Variants in CSMD1 observed in about 807,000 individuals in gnomAD.
CSMD1 encodes the protein CUB and sushi domain-containing protein 1.
Under a neutral mutation model 417.5 loss-of-function variants are expected in CSMD1, and 213 were observed. That is an observed-to-expected ratio of 0.51 (90% CI 0.46 to 0.57). The LOEUF is 0.57. CSMD1 is among the 20% of genes least tolerant of loss of function. The pLI, the probability that CSMD1 is intolerant of heterozygous loss-of-function variation, is 0.00. For synonymous variants in CSMD1, 2,862 were observed against 1,736.8 expected (o/e 1.65, Z -16.11); for missense variants, 6,923 against 4,529.7 (o/e 1.53, Z -15.17).
intron 23 of CSMD1, among the ~76,000 whole-genome samples, chr8:3,315,375 T>A (rs1171306021): frequency 6.6e-5 from 10 of 151,972 alleles, no homozygotes; most frequent in Admixed American, 6.6e-4. Context: ...CTGAAATGTG[T>A]GATTGTTCCA....
intron 3 of CSMD1, among the ~76,000 whole-genome samples, chr8:4,038,373 T>C (rs1469883729): frequency 6.6e-6 from 1 of 152,152 alleles, no homozygotes; most frequent in Non-Finnish European, 1.5e-5. Flanking sequence ...AACTTGTAAA[T>C]TGTAAAATAT....
chr8:2,999,953 C>A lies in CSMD1; in HGVS notation c.8203+5G>T. 1 of 1,607,050 alleles carries A rather than the reference C, an allele frequency of 6.2e-7. No homozygotes were observed. Among genetic ancestry groups the A allele is most frequent in the Non-Finnish European group, 8.5e-7 (1 of 1,177,394 alleles). ...GATGAATTCGTCCACAAAGAGTGCA[C>A]TTACGGACACAGACAGGCGTTTGTC... On this transcript the variant is annotated splice_donor_5th_base_variant and intron_variant, in intron 53 of 69. Transcript: ENST00000635120.
At chr8:4,050,469 A>T (rs961242297) in intron 3 of CSMD1, among the ~76,000 whole-genome samples, 4 of 152,296 alleles carry the variant, frequency 2.6e-5, no homozygotes, top group Admixed American at 2.6e-4. Flanking sequence ...TGATACAGGC[A>T]TACGATGAAT....
intron 33 of CSMD1, among the ~76,000 whole-genome samples, chr8:3,191,032 C>T (rs1313626529): frequency 6.6e-6 from 1 of 152,058 alleles, no homozygotes; most frequent in Non-Finnish European, 1.5e-5. Context: ...ATGAGTATGC[C>T]CTGGAGACCT....
chr8:4,660,711 T>G (rs1011479018), intron 1 of CSMD1, among the ~76,000 whole-genome samples: 8 of 152,060 alleles, frequency 5.3e-5, no homozygotes, highest in African/African-American at 1.9e-4. Context: ...CAGAAAGTAT[T>G]TGAAAATCAC....
chr8:3,987,729 A>G (rs1444797295), intron 5 of CSMD1, among the ~76,000 whole-genome samples: 5 of 152,216 alleles, frequency 3.3e-5, no homozygotes, highest in Middle Eastern at 3.2e-3. Flanking sequence ...CTAGCAGCAT[A>G]AAGTGCAAAA....
intron 10 of CSMD1, among the ~76,000 whole-genome samples, chr8:3,544,753 G>C (rs1798589623): frequency 6.6e-6 from 1 of 152,068 alleles, no homozygotes; most frequent in Admixed American, 6.6e-5. Context: ...TGGAGACAGG[G>C]AATGGAGCCA....
At chr8:4,369,243 A>G (rs1365781168) in intron 3 of CSMD1, among the ~76,000 whole-genome samples, 1 of 151,982 alleles carries the variant, frequency 6.6e-6, no homozygotes, top group Non-Finnish European at 1.5e-5. Context: ...CTTCCATGTA[A>G]TTGTATGGCT....
chr8:3,233,948 G>A (rs1341067741), intron 26 of CSMD1, among the ~76,000 whole-genome samples: 3 of 152,150 alleles, frequency 2.0e-5, no homozygotes, highest in African/African-American at 2.4e-5. Context: ...AATCCCGCCG[G>A]CGGTTGTGAG....
At chr8:3,098,642 G>A (rs146312164) in intron 46 of CSMD1, among the ~76,000 whole-genome samples, 4 of 152,128 alleles carry the variant, frequency 2.6e-5, no homozygotes, top group East Asian at 1.9e-4. Context: ...CTGTGATGGT[G>A]ACCTCATCGC....
At chr8:4,854,828 G>C (rs1269575451) in intron 1 of CSMD1, among the ~76,000 whole-genome samples, 2 of 152,210 alleles carry the variant, frequency 1.3e-5, no homozygotes, top group Non-Finnish European at 2.9e-5. Flanking sequence ...GCAGCAGCGA[G>C]GCTGGGGGAG....
intron 10 of CSMD1, among the ~76,000 whole-genome samples, chr8:3,543,369 C>A (rs1261934920): frequency 6.6e-6 from 1 of 152,130 alleles, no homozygotes; most frequent in African/African-American, 2.4e-5. Context: ...TATAAACTGA[C>A]TTTTGAAAAT....
At chr8:3,123,190 C>T (rs1302720601) in intron 41 of CSMD1, among the ~76,000 whole-genome samples, 3 of 152,200 alleles carry the variant, frequency 2.0e-5, no homozygotes, top group African/African-American at 7.2e-5. Context: ...CTCTCTTTCT[C>T]TGACACACAC....
At chr8:4,403,672 C>G (rs1179067429) in intron 3 of CSMD1, among the ~76,000 whole-genome samples, 1 of 152,132 alleles carries the variant, frequency 6.6e-6, no homozygotes, top group Admixed American at 6.5e-5. Context: ...TAGAGTCTAA[C>G]CCCTAGAGTA....
intron 5 of CSMD1, among the ~76,000 whole-genome samples, chr8:3,981,630 G>C (rs1342392630): frequency 6.6e-6 from 1 of 150,818 alleles, no homozygotes; most frequent in East Asian, 1.9e-4. Flanking sequence ...TGTTCCCTTT[G>C]AGTTGTCTTT....
At chr8:4,953,889 G>A (rs1226747350) in intron 1 of CSMD1, among the ~76,000 whole-genome samples, 2 of 152,030 alleles carry the variant, frequency 1.3e-5, no homozygotes, top group African/African-American at 4.8e-5. Flanking sequence ...CTTAGAGATT[G>A]GACTACCCAG....
intron 1 of CSMD1, among the ~76,000 whole-genome samples, chr8:4,977,136 C>T (rs1810606843): frequency 6.6e-6 from 1 of 152,070 alleles, no homozygotes; most frequent in African/African-American, 2.4e-5. Context: ...TTAAAATGTT[C>T]CTATAGTAAT....
At chr8:4,340,465 G>C (rs1585265587) in intron 3 of CSMD1, among the ~76,000 whole-genome samples, 4 of 152,094 alleles carry the variant, frequency 2.6e-5, no homozygotes, top group Admixed American at 2.6e-4. Context: ...TTATGGGTCT[G>C]TCTAGGGGTG....
chr8:4,481,301 T>C (rs954730876), intron 2 of CSMD1, among the ~76,000 whole-genome samples: 4 of 152,264 alleles, frequency 2.6e-5, no homozygotes, highest in Non-Finnish European at 4.4e-5. Flanking sequence ...CTGACCCTTA[T>C]CTTTCCCATT....
Sources: allele counts gnomAD v4.1 joint callset (sites outside exome capture counted in the v4.1 genomes callset), GRCh38; gene constraint gnomAD v4.1.1; transcripts MANE v1.5; gene names NCBI Gene and HGNC (gene_info 2026-07-23, HGNC 2026-07-21).